Variants in DOCK1 observed in about 807,000 individuals in gnomAD.
DOCK1 encodes dedicator of cytokinesis 1.
Under a neutral mutation model 262.7 loss-of-function variants are expected in DOCK1, and 138 were observed. That is an observed-to-expected ratio of 0.53 (90% CI 0.46 to 0.61). DOCK1 has a LOEUF of 0.61. Among genes scored for constraint, DOCK1 ranks in the 20% least tolerant of loss-of-function variants. DOCK1 has a pLI of 0.00. For synonymous variants in DOCK1, 866 were observed against 867.4 expected (o/e 1.00, Z 0.03); for missense variants, 1,908 against 2,370.7 (o/e 0.80, Z 4.05).
intron 23 of DOCK1, among the ~76,000 whole-genome samples, chr10:127,074,937 G>A (rs2046426958): frequency 6.6e-6 from 1 of 152,124 alleles, no homozygotes; most frequent in East Asian, 1.9e-4. Flanking sequence ...TGAGGCAGGT[G>A]GATCACCTGA....
intron 38 of DOCK1, 48 bp from the exon 39 acceptor site, chr10:127,403,007 A>G: frequency 6.6e-7 from 1 of 1,524,524 alleles, no homozygotes; most frequent in Non-Finnish European, 8.9e-7. Context: ...GACTCTTTGC[A>G]CAATTCAGGC....
intron 27 of DOCK1, among the ~76,000 whole-genome samples, chr10:127,233,864 C>T (rs2058945867): frequency 6.6e-6 from 1 of 152,186 alleles, no homozygotes; most frequent in African/African-American, 2.4e-5. Context: ...AAAAATGTAA[C>T]AGCATCCATA....
intron 1 of DOCK1, among the ~76,000 whole-genome samples, chr10:126,967,088 T>C (rs1209005611): frequency 1.3e-5 from 2 of 152,162 alleles, no homozygotes; most frequent in East Asian, 3.9e-4. Context: ...GAGCTTGTTC[T>C]CTATGGAGTT....
At chr10:126,921,976 C>T (rs1246283583) in intron 1 of DOCK1, among the ~76,000 whole-genome samples, 1 of 151,876 alleles carries the variant, frequency 6.6e-6, no homozygotes, top group Non-Finnish European at 1.5e-5. Context: ...CCTTGGGAGG[C>T]CTAGGCAGGC....
chr10:127,428,376 T>C (rs1044380454), intron 47 of DOCK1, among the ~76,000 whole-genome samples: 3 of 146,492 alleles, frequency 2.0e-5, no homozygotes, highest in African/African-American at 7.4e-5. Flanking sequence ...GGCAGGAAGG[T>C]AGGGTGCTGT....
intron 25 of DOCK1, among the ~76,000 whole-genome samples, chr10:127,115,815 C>G (rs2049145179): frequency 6.6e-6 from 1 of 152,158 alleles, no homozygotes; most frequent in African/African-American, 2.4e-5. Flanking sequence ...CCCACTGGCC[C>G]CTTTCTGAAT....
At chr10:127,264,438 C>T (rs1336234455) in intron 29 of DOCK1, among the ~76,000 whole-genome samples, 4 of 152,130 alleles carry the variant, frequency 2.6e-5, no homozygotes, top group Non-Finnish European at 5.9e-5. Context: ...AGCCCACACA[C>T]TTTCATAGAG....
intron 40 of DOCK1, among the ~76,000 whole-genome samples, chr10:127,407,280 A>T (rs531095784): frequency 1.3e-5 from 2 of 152,214 alleles, no homozygotes; most frequent in East Asian, 3.9e-4. Context: ...GGAGGCTGGG[A>T]AGTCCAAGAT....
At chr10:127,041,791 A>G (rs2044031218) in intron 19 of DOCK1, among the ~76,000 whole-genome samples, 1 of 152,184 alleles carries the variant, frequency 6.6e-6, no homozygotes, top group Non-Finnish European at 1.5e-5. Context: ...TTCCCTTTGT[A>G]TGTCCCTAAT....
intron 27 of DOCK1, among the ~76,000 whole-genome samples, chr10:127,247,316 G>T (rs1251227432): frequency 6.6e-6 from 1 of 151,952 alleles, no homozygotes; most frequent in African/African-American, 2.4e-5. Context: ...TCTCCCACTT[G>T]ACATTCTGAT....
intron 2 of DOCK1, among the ~76,000 whole-genome samples, chr10:126,976,117 C>T (rs1398798086): frequency 2.6e-5 from 4 of 152,152 alleles, no homozygotes. Context: ...ACTGACCTTT[C>T]TTTTTCCTTT....
intron 27 of DOCK1, among the ~76,000 whole-genome samples, chr10:127,232,348 A>C (rs931893629): frequency 3.3e-5 from 5 of 152,118 alleles, no homozygotes; most frequent in African/African-American, 1.2e-4. Context: ...TGCTGTACAA[A>C]GTCTCTTGTT....
intron 29 of DOCK1, among the ~76,000 whole-genome samples, chr10:127,329,626 C>T (rs11017355): frequency 0.049 from 7,395 of 152,224 alleles, 220 homozygotes; most frequent in Non-Finnish European, 0.072. Flanking sequence ...CCCTCTCTCG[C>T]GGCCTCCCCC....
Position 127,042,719 on chromosome 10 carries a change from G to A in DOCK1, c.2100+5G>A. 6.2e-7 allele frequency: 1 copy of A among 1,613,712 alleles called. No homozygotes were observed. Among genetic ancestry groups the A allele is most frequent in the Non-Finnish European group, 8.5e-7 (1 of 1,179,686 alleles). On this transcript the variant is annotated splice_donor_5th_base_variant and intron_variant, in intron 20 of 51. Coordinates refer to ENST00000623213, the MANE Select transcript of DOCK1 (RefSeq NM_001290223.2). ...ACGTTAGTCTTTGATGCTCTGGTAAGAGAGCTTTCCTTCTCATATGCTTGG... is the reference window on the plus strand; with the variant it reads ...ACGTTAGTCTTTGATGCTCTGGTAAAAGAGCTTTCCTTCTCATATGCTTGG...
At chr10:127,077,294 C>T (rs181641407) in intron 23 of DOCK1, among the ~76,000 whole-genome samples, 2 of 152,136 alleles carry the variant, frequency 1.3e-5, no homozygotes, top group East Asian at 3.9e-4. Flanking sequence ...ACTCAGGAGA[C>T]CGAGGTGGGA....
At chr10:127,341,400 AG>A (rs1272340124) in intron 30 of DOCK1, among the ~76,000 whole-genome samples, 2 of 151,862 alleles carry the variant, frequency 1.3e-5, no homozygotes, top group East Asian at 3.9e-4. Flanking sequence ...TTCCATTTGG[AG>A]TTTAAAATCA....
chr10:127,248,343 C>T (rs533506028), intron 28 of DOCK1, among the ~76,000 whole-genome samples: 1 of 152,196 alleles, frequency 6.6e-6, no homozygotes, highest in South Asian at 2.1e-4. Context: ...GGGGCTGAGC[C>T]CAGGGAAATC....
At chr10:127,346,826 G>A (rs2063655569) in intron 31 of DOCK1, among the ~76,000 whole-genome samples, 1 of 152,282 alleles carries the variant, frequency 6.6e-6, no homozygotes, top group African/African-American at 2.4e-5. Context: ...ATTTCCCCCA[G>A]GAAAGTCCCC....
intron 2 of DOCK1, among the ~76,000 whole-genome samples, chr10:126,976,565 G>A (rs1436889382): frequency 5.3e-5 from 8 of 152,192 alleles, no homozygotes; most frequent in South Asian, 2.1e-4. Context: ...ACAATGGCCC[G>A]TTTTCACATC....
Sources: gnomAD v4.1 joint callset for allele counts (sites outside exome capture counted in the v4.1 genomes callset) on GRCh38, gnomAD v4.1.1 for gene constraint, MANE v1.5 for transcripts, NCBI Gene and HGNC (gene_info 2026-07-23, HGNC 2026-07-21) for gene names.